LRRC4C: variants seen among roughly 807,000 people sequenced by gnomAD.
LRRC4C encodes the protein leucine rich repeat containing 4C, also known as leucine-rich repeat-containing protein 4C.
In LRRC4C, 5 loss-of-function variants were observed where a neutral mutation model predicts 33.6. The observed-to-expected ratio is 0.15, with a 90% CI of 0.08 to 0.31. The LOEUF is 0.31. Among genes scored for constraint, LRRC4C ranks in the 10% least tolerant of loss-of-function variants. The pLI is 1.00. For missense variants in LRRC4C, 560 were observed against 796.7 expected, an observed-to-expected ratio of 0.70 and a Z score of 3.58; for synonymous variants, 329 against 302.0, an observed-to-expected ratio of 1.09 and a Z score of -0.93.
chr11:41,049,244 T>C (rs2138096243), intron 1 of LRRC4C, among the ~76,000 whole-genome samples: 1 of 152,282 alleles, frequency 6.6e-6, no homozygotes, highest in Admixed American at 6.5e-5. Context: ...GATGGTTTTA[T>C]AAGGGGTTTC....
At chr11:40,615,567 C>T (rs1413029336) in intron 3 of LRRC4C, among the ~76,000 whole-genome samples, 2 of 151,604 alleles carry the variant, frequency 1.3e-5, no homozygotes, top group African/African-American at 2.4e-5. Flanking sequence ...CCCTAACAGA[C>T]ATTAGTCTTC....
At position 40,700,135 on chromosome 11, in the gene LRRC4C, A is replaced by T. The variant is rs190442871; in HGVS notation, c.-406-51857T>A. ...GATTGAACGTCTTAGATGACTGAAG[A>T]TAACTTAGCTAAAATGTACAGCTGT... On this transcript the variant is annotated intron_variant, in intron 2 of 6. Transcript: ENST00000528697. Among the ~76,000 whole-genome samples the T allele has an allele frequency of 2.0e-4, 30 of 152,246 alleles. 1 individual carries two copies. The highest frequency in any genetic ancestry group is 1.4e-3 in the Admixed American group (22 of 15,276).
At chr11:40,919,529 C>G (rs2136345617) in intron 2 of LRRC4C, among the ~76,000 whole-genome samples, 1 of 152,192 alleles carries the variant, frequency 6.6e-6, no homozygotes, top group East Asian at 1.9e-4. Flanking sequence ...TTCTTTCTAA[C>G]CCATCATTTG....
In LRRC4C at chr11:40,948,702, A is replaced by C. The variant is rs1437749681; in HGVS notation, c.-495-14979T>G. Reference sequence around the variant, plus strand: ...TCCCTACAAAGGACATGAACTCATCATTTTTTATGGCTGCATAGTATTCCA... The same window carrying C: ...TCCCTACAAAGGACATGAACTCATCCTTTTTTATGGCTGCATAGTATTCCA... On this transcript the variant is annotated intron_variant, in intron 1 of 6. Transcript: ENST00000528697. Among the ~76,000 whole-genome samples, 876 of 148,138 alleles carry C rather than the reference A, an allele frequency of 5.9e-3. 9 individuals are homozygous for C. Among genetic ancestry groups the C allele is most frequent in the African/African-American group, 0.02 (811 of 40,182 alleles).
chr11:40,375,766 T>C (rs971778619), intron 3 of LRRC4C, among the ~76,000 whole-genome samples: 6 of 152,176 alleles, frequency 3.9e-5, no homozygotes, highest in South Asian at 2.1e-4. Flanking sequence ...CCTGTTCTCA[T>C]TGAACTGACC....
chr11:40,288,782 A>G (rs901958263), intron 4 of LRRC4C, among the ~76,000 whole-genome samples: 1 of 152,188 alleles, frequency 6.6e-6, no homozygotes, highest in Non-Finnish European at 1.5e-5. Context: ...GTGGTTTTGG[A>G]GGGCTTAATA....
chr11:40,214,354 T>G (rs1450087153), intron 5 of LRRC4C, among the ~76,000 whole-genome samples: 1 of 152,120 alleles, frequency 6.6e-6, no homozygotes, highest in African/African-American at 2.4e-5. Flanking sequence ...TGTCCCTACC[T>G]GAGACATATT....
chr11:40,217,802 G>A (rs1346047649), intron 5 of LRRC4C, among the ~76,000 whole-genome samples: 1 of 151,998 alleles, frequency 6.6e-6, no homozygotes, highest in Non-Finnish European at 1.5e-5. Flanking sequence ...ATTTACAAAT[G>A]ACCTAGCTAG....
intron 1 of LRRC4C, among the ~76,000 whole-genome samples, chr11:41,109,964 C>T (rs909725280): frequency 6.6e-6 from 1 of 152,000 alleles, no homozygotes; most frequent in Admixed American, 6.6e-5. Flanking sequence ...TCCTCTACAA[C>T]AGCGTGTACC....
At chr11:40,364,449 T>A (rs745937842) in intron 3 of LRRC4C, among the ~76,000 whole-genome samples, 1 of 152,088 alleles carries the variant, frequency 6.6e-6, no homozygotes, top group Non-Finnish European at 1.5e-5. Flanking sequence ...ATGAAAGATA[T>A]AATGGATAGA....
intron 3 of LRRC4C, among the ~76,000 whole-genome samples, chr11:40,541,901 C>T (rs1403919005): frequency 1.3e-5 from 2 of 152,124 alleles, no homozygotes; most frequent in African/African-American, 2.4e-5. Flanking sequence ...ATAAACAGAA[C>T]TGACTTCCAA....
At chr11:41,448,300 A>G (rs1479600118) in intron 1 of LRRC4C, among the ~76,000 whole-genome samples, 2 of 140,176 alleles carry the variant, frequency 1.4e-5, no homozygotes, top group Non-Finnish European at 3.1e-5. Flanking sequence ...ACATTTACAT[A>G]GAGCTTTTTT....
chr11:41,254,753 G>C (rs1280674529), intron 1 of LRRC4C, among the ~76,000 whole-genome samples: 1 of 151,970 alleles, frequency 6.6e-6, no homozygotes, highest in Non-Finnish European at 1.5e-5. Context: ...CTGCTCCATG[G>C]CATAGAATTT....
At chr11:40,563,074 A>G (rs1957615501) in intron 3 of LRRC4C, among the ~76,000 whole-genome samples, 1 of 152,054 alleles carries the variant, frequency 6.6e-6, no homozygotes, top group African/African-American at 2.4e-5. Context: ...TTGCACATCA[A>G]ATTCCATTTT....
intron 2 of LRRC4C, among the ~76,000 whole-genome samples, chr11:40,853,015 G>T (rs1953591394): frequency 6.6e-6 from 1 of 152,154 alleles, no homozygotes; most frequent in Admixed American, 6.6e-5. Flanking sequence ...TTTTATCAAT[G>T]CTGAACCGCA....
chr11:41,388,382 C>T (rs1565632925), intron 1 of LRRC4C, among the ~76,000 whole-genome samples: 1 of 151,778 alleles, frequency 6.6e-6, no homozygotes, highest in Non-Finnish European at 1.5e-5. Flanking sequence ...TAAATACATA[C>T]ATAATAGTGT....
intron 3 of LRRC4C, among the ~76,000 whole-genome samples, chr11:40,569,332 G>T (rs1037620604): frequency 6.6e-6 from 1 of 152,060 alleles, no homozygotes; most frequent in African/African-American, 2.4e-5. Context: ...GTAAAACAAT[G>T]TAATTAAGCC....
intron 2 of LRRC4C, among the ~76,000 whole-genome samples, chr11:40,671,191 T>C (rs1179695534): frequency 1.3e-5 from 2 of 152,258 alleles, no homozygotes; most frequent in Non-Finnish European, 2.9e-5. Flanking sequence ...TCTAAATTGA[T>C]GTCTTTAGAA....
intron 3 of LRRC4C, among the ~76,000 whole-genome samples, chr11:40,400,791 G>T (rs1475572717): frequency 3.3e-5 from 5 of 152,002 alleles, no homozygotes; most frequent in Non-Finnish European, 7.4e-5. Flanking sequence ...TTAAGTCTTG[G>T]TTGGAATGTC....
Sources: allele counts gnomAD v4.1 joint callset (sites outside exome capture counted in the v4.1 genomes callset), GRCh38; gene constraint gnomAD v4.1.1; transcripts MANE v1.5; gene names NCBI Gene and HGNC (gene_info 2026-07-23, HGNC 2026-07-21).